Variants in CORO2A observed in about 807,000 individuals in gnomAD.
CORO2A encodes the protein coronin-2A.
Under a neutral mutation model 62.4 loss-of-function variants are expected in CORO2A, and 47 were observed. The ratio of observed to expected loss-of-function variants is 0.75; its 90% CI spans 0.60 to 0.96. The LOEUF (loss-of-function observed/expected upper bound fraction) is 0.96. CORO2A is among the 40% of genes least tolerant of loss of function. CORO2A has a pLI of 0.00. For synonymous variants in CORO2A, 273 were observed against 268.9 expected, an observed-to-expected ratio of 1.02 and a Z score of -0.15; for missense variants, 610 against 684.1, an observed-to-expected ratio of 0.89 and a Z score of 1.21.
intron 2 of CORO2A, 142 bp from the exon 3 acceptor site, chr9:98,137,830 C>T (rs1587995123): frequency 1.8e-6 from 1 of 551,358 alleles, no homozygotes; most frequent in South Asian, 2.1e-5. Flanking sequence ...ACTTCTTATT[C>T]CCTGTGGGAT....
intron 2 of CORO2A, among the ~76,000 whole-genome samples, chr9:98,156,723 G>A (rs1301965351): frequency 2.0e-5 from 3 of 152,186 alleles, no homozygotes; most frequent in African/African-American, 7.2e-5. Flanking sequence ...CTCACTCATG[G>A]TGGTGTACAT....
intron 1 of CORO2A, among the ~76,000 whole-genome samples, chr9:98,167,933 A>C (rs745573417): frequency 2.0e-5 from 3 of 152,204 alleles, no homozygotes; most frequent in Non-Finnish European, 2.9e-5. Context: ...ATTCATTTGA[A>C]TCTTTCCTTT....
intron 1 of CORO2A, among the ~76,000 whole-genome samples, chr9:98,189,721 A>G (rs960382256): frequency 4.6e-5 from 7 of 152,116 alleles, no homozygotes; most frequent in African/African-American, 1.7e-4. Context: ...ATGTCTGCTG[A>G]CTTTAGTCTC....
At chr9:98,182,429 T>C (rs1828189272) in intron 1 of CORO2A, among the ~76,000 whole-genome samples, 1 of 152,116 alleles carries the variant, frequency 6.6e-6, no homozygotes, top group South Asian at 2.1e-4. Flanking sequence ...TCAAAGCTCC[T>C]TCCTGTTCAT....
intron 2 of CORO2A, among the ~76,000 whole-genome samples, chr9:98,154,081 T>C (rs1827766473): frequency 1.3e-5 from 2 of 152,098 alleles, no homozygotes; most frequent in Admixed American, 6.6e-5. Flanking sequence ...TTATTTACTG[T>C]AATTTGCTAG....
chr9:98,173,938 GA>G (rs1381626712), intron 1 of CORO2A, among the ~76,000 whole-genome samples: 1 of 152,100 alleles, frequency 6.6e-6, no homozygotes, highest in African/African-American at 2.4e-5. Flanking sequence ...CCAACATGGA[GA>G]AACCCCGTCT....
chr9:98,125,037 T>C, intron 11 of CORO2A, 132 bp from the exon 12 acceptor site: 1 of 894,628 alleles, frequency 1.1e-6, no homozygotes, highest in Non-Finnish European at 1.7e-6. Context: ...GATGGGGCTG[T>C]CACTGCATAG....
At position 98,157,468 on chromosome 9, in the gene CORO2A, G is replaced by A. The variant is rs1386349869; in HGVS notation, c.193C>T (p.Leu65=). The A allele has an allele frequency of 1.2e-6, 2 of 1,614,160 alleles. No homozygotes were observed. Among genetic ancestry groups the A allele is most frequent in the South Asian group, 2.2e-5 (2 of 91,074 alleles). ...CCTGGGGGTGTCCTTACCTGGTGCA[G>A]GGGGATGACGAGGAAGGCCCCTCCA... ...AGGGAFLVIP[L]HQTGKLDPHY... is the part of the protein sequence containing the mutation. Residue 65 remains leucine, a synonymous_variant, in exon 2 of 12, where the codon CTG becomes TTG. Coordinates refer to ENST00000375077, the MANE Select transcript of CORO2A (RefSeq NM_052820.4).
intron 1 of CORO2A, among the ~76,000 whole-genome samples, chr9:98,189,370 T>C (rs548629659): frequency 1.2e-4 from 19 of 152,328 alleles, no homozygotes; most frequent in African/African-American, 4.6e-4. Context: ...TGAATTATTT[T>C]CTGGACCTCC....
chr9:98,171,568 C>A (rs1043696268), intron 1 of CORO2A, among the ~76,000 whole-genome samples: 8 of 152,174 alleles, frequency 5.3e-5, no homozygotes, highest in Non-Finnish European at 1.2e-4. Context: ...GCCAGCGCTG[C>A]AAGTTGCAGC....
In CORO2A at chr9:98,157,617, A is replaced by G. The variant is rs1827823924; in HGVS notation, c.44T>C (p.Val15Ala). ...CTCCTTGCTGGCTGGTTTGCCAAAG[A>G]CATGACGGAACTTGGAGCTCCGGTA... is the stretch of plus-strand genomic sequence containing the variant. ...PQYRSSKFRH[V>A]FGKPASKENC... Residue 15 changes from valine (V) to alanine (A), a missense_variant, in exon 2 of 12, where the codon GTC becomes GCC. Transcript: ENST00000375077. The G allele has an allele frequency of 6.2e-7, 1 of 1,613,978 alleles. No homozygotes were observed. Among genetic ancestry groups the G allele is most frequent in the African/African-American group, 1.3e-5 (1 of 75,014 alleles).
chr9:98,156,938 T>C (rs1251375423), intron 2 of CORO2A, among the ~76,000 whole-genome samples: 2 of 152,222 alleles, frequency 1.3e-5, no homozygotes, highest in Admixed American at 6.5e-5. Context: ...GGAACTACTA[T>C]TAGGTTGATC....
intron 1 of CORO2A, 78 bp downstream of exon 1, chr9:98,192,481 C>CCGAGGGGG (rs11281388): frequency 1.3e-5 from 2 of 152,114 alleles, no homozygotes; most frequent in East Asian, 1.9e-4. Context: ...GGAGCTGCAG[C>CCGAGGGGG]CGCAGCGCGC....
intron 1 of CORO2A, among the ~76,000 whole-genome samples, chr9:98,160,682 G>GC (rs1024980724): frequency 1.3e-5 from 2 of 152,072 alleles, no homozygotes; most frequent in African/African-American, 2.4e-5. Context: ...TCCGCTCCAG[G>GC]CCCCCCCACT....
At chr9:98,184,012 T>A (rs1330697395) in intron 1 of CORO2A, among the ~76,000 whole-genome samples, 3 of 152,188 alleles carry the variant, frequency 2.0e-5, no homozygotes, top group Non-Finnish European at 4.4e-5. Flanking sequence ...TTACATTGTG[T>A]TAGGCATTGT....
At chr9:98,176,964 T>C (rs1828116438) in intron 1 of CORO2A, among the ~76,000 whole-genome samples, 1 of 152,184 alleles carries the variant, frequency 6.6e-6, no homozygotes, top group Non-Finnish European at 1.5e-5. Flanking sequence ...CCAAACATTT[T>C]TGTTCCTTAT....
At chr9:98,132,478 T>G (rs553486324) in intron 5 of CORO2A, among the ~76,000 whole-genome samples, 177 bp from the exon 6 acceptor site, 8 of 152,298 alleles carry the variant, frequency 5.3e-5, no homozygotes, top group African/African-American at 1.9e-4. Context: ...CTCATCCACA[T>G]GGAGTCTCTC....
chr9:98,130,596 G>C (rs1363296534), intron 7 of CORO2A, among the ~76,000 whole-genome samples: 1 of 152,252 alleles, frequency 6.6e-6, no homozygotes, highest in Non-Finnish European at 1.5e-5. Context: ...TGGATGGAGG[G>C]GGAGAGATGC....
chr9:98,158,898 C>T (rs1175905466), intron 1 of CORO2A, among the ~76,000 whole-genome samples: 2 of 151,822 alleles, frequency 1.3e-5, no homozygotes, highest in Non-Finnish European at 2.9e-5. Flanking sequence ...AGAATACAAG[C>T]CAGAGGGGCG....
Sources: gnomAD v4.1 joint callset for allele counts (sites outside exome capture counted in the v4.1 genomes callset) on GRCh38, gnomAD v4.1.1 for gene constraint, MANE v1.5 for transcripts, NCBI Gene and HGNC (gene_info 2026-07-23, HGNC 2026-07-21) for gene names.